Variants in MGAT4C observed in about 807,000 individuals in gnomAD.
MGAT4C encodes the protein alpha-1,3-mannosyl-glycoprotein 4-beta-N-acetylglucosaminyltransferase C.
In MGAT4C, 19 loss-of-function variants were observed where a neutral mutation model predicts 40.1. The observed-to-expected ratio is 0.47, with a 90% CI of 0.33 to 0.70. The LOEUF (loss-of-function observed/expected upper bound fraction) is 0.70, where lower values mean the gene tolerates loss of function less well. Ranked by LOEUF, MGAT4C falls within the 30% of genes least tolerant of loss-of-function variation. The pLI, the probability that MGAT4C is intolerant of heterozygous loss-of-function variation, is 0.02. For synonymous variants in MGAT4C, 181 were observed against 187.1 expected (o/e 0.97, Z 0.27); for missense variants, 491 against 563.2 (o/e 0.87, Z 1.30).
At chr12:86,828,942 A>G (rs180750614) in intron 1 of MGAT4C, among the ~76,000 whole-genome samples, 1 of 151,748 alleles carries the variant, frequency 6.6e-6, no homozygotes, top group East Asian at 1.9e-4. Flanking sequence ...TGTACACAAT[A>G]TAAATTTGCC....
chr12:86,673,818 T>C (rs1385228157), intron 2 of MGAT4C, among the ~76,000 whole-genome samples: 1 of 151,820 alleles, frequency 6.6e-6, no homozygotes, highest in African/African-American at 2.4e-5. Flanking sequence ...CGTATATGGA[T>C]CTGAGAAAAA....
chr12:86,154,204 C>T (rs928545039), intron 1 of MGAT4C, among the ~76,000 whole-genome samples: 3 of 152,066 alleles, frequency 2.0e-5, no homozygotes, highest in Non-Finnish European at 2.9e-5. Flanking sequence ...CAGTTCTCCC[C>T]CCACCATTTC....
chr12:86,274,481 A>G (rs1361931112), intron 4 of MGAT4C, among the ~76,000 whole-genome samples: 1 of 152,166 alleles, frequency 6.6e-6, no homozygotes, highest in African/African-American at 2.4e-5. Flanking sequence ...ATACAAGTCA[A>G]CATAATGTAA....
At chr12:86,481,937 A>T (rs1313032322) in intron 2 of MGAT4C, among the ~76,000 whole-genome samples, 1 of 151,972 alleles carries the variant, frequency 6.6e-6, no homozygotes, top group Non-Finnish European at 1.5e-5. Flanking sequence ...TTCTAAATAC[A>T]ATAATGTATT....
intron 2 of MGAT4C, among the ~76,000 whole-genome samples, chr12:86,644,884 G>C (rs1432126333): frequency 6.6e-6 from 1 of 151,664 alleles, no homozygotes; most frequent in Non-Finnish European, 1.5e-5. Context: ...TTATTTACTA[G>C]AAGAGAACAT....
chr12:86,113,323 T>C (rs907666376), intron 1 of MGAT4C, among the ~76,000 whole-genome samples: 1 of 151,834 alleles, frequency 6.6e-6, no homozygotes, highest in African/African-American at 2.4e-5. Flanking sequence ...AGAGATAATA[T>C]TGTCACAAAA....
chr12:86,103,911 T>C (rs1209362874), intron 1 of MGAT4C, among the ~76,000 whole-genome samples: 1 of 152,156 alleles, frequency 6.6e-6, no homozygotes, highest in Admixed American at 6.6e-5. Flanking sequence ...TAATAAAAAT[T>C]TGATGAACAA....
chr12:86,156,949 C>G (rs1885017744), intron 1 of MGAT4C, among the ~76,000 whole-genome samples: 1 of 152,034 alleles, frequency 6.6e-6, no homozygotes, highest in Non-Finnish European at 1.5e-5. Flanking sequence ...TTTCCCTTCT[C>G]TTTATTCCCA....
In MGAT4C at chr12:86,389,156, G is replaced by C. The variant is rs556789281; in HGVS notation, c.-120+46001C>G. Among the ~76,000 whole-genome samples, 230 of 152,132 alleles carry C rather than the reference G, an allele frequency of 1.5e-3. 2 individuals carry two copies. The highest frequency in any genetic ancestry group is 2.3e-3 in the Non-Finnish European group (159 of 68,024). ...TTTCATCACCCAGGTATTAAGCCTA[G>C]TACCCACTAGTTATTTTTCCATATC... On this transcript the variant is annotated intron_variant, in intron 3 of 7. Transcript: ENST00000548651.
At position 86,450,025 on chromosome 12, in the gene MGAT4C, A is replaced by C. The variant is rs543741551; in HGVS notation, c.-228-14760T>G. Among the ~76,000 whole-genome samples, 10 of 152,212 alleles carry C rather than the reference A, an allele frequency of 6.6e-5. No homozygotes were observed. The East Asian group carries it at 1.7e-3, about 26-fold the overall frequency. ...AAAATAGTCAATTATATGTCATGTG[A>C]TTTTGTCCTGAAGAAAAAGTATTGT... On this transcript the variant is annotated intron_variant, in intron 2 of 7. Transcript: ENST00000548651.
intron 1 of MGAT4C, among the ~76,000 whole-genome samples, chr12:86,120,391 G>C (rs1251848520): frequency 6.6e-6 from 1 of 152,048 alleles, no homozygotes. Context: ...GAAGAGAGTA[G>C]TGGTTCTCCC....
chr12:85,983,652 T>C lies in MGAT4C; in HGVS notation c.166A>G (p.Ile56Val). 3.8e-6 allele frequency: 6 copies of C among 1,585,086 alleles called. No homozygotes were observed. The highest frequency in any genetic ancestry group is 2.3e-5 in the South Asian group (2 of 85,330). ...AGTTGATGTGTGGATGTTTCCCTTATAAGTTGTTTGTCTCCTTCCTAAATA... is the reference window on the plus strand; with the variant it reads ...AGTTGATGTGTGGATGTTTCCCTTACAAGTTGTTTGTCTCCTTCCTAAATA... The part of the protein sequence containing the change: ...SYVLEGDKQL[I>V]RETSTHQLNS... Residue 56 changes from isoleucine to valine, a missense_variant, in exon 4 of 5, where the codon ATA (isoleucine) becomes GTA (valine). Coordinates refer to ENST00000611864, the MANE Select transcript of MGAT4C (RefSeq NM_001351288.2).
rs1339959663 is a variant in MGAT4C at position 85,960,311 on chromosome 12, G to A, written c.*18978C>T. 1 of 151,956 alleles carries A rather than the reference G, an allele frequency of 6.6e-6. No homozygotes were observed. 9.4% of individuals were successfully genotyped at this position (151,956 alleles called of 1,614,324 possible). ...ATTTTCTCATTGAATAAGAGAATCC[G>A]AACTGGCATCGAGGATATCTAATTT... is the stretch of plus-strand genomic sequence containing the variant. On this transcript the variant is annotated 3_prime_UTR_variant, in exon 5 of 5. Transcript: ENST00000611864.
chr12:86,597,253 G>A (rs2136455376), intron 2 of MGAT4C, among the ~76,000 whole-genome samples: 1 of 152,202 alleles, frequency 6.6e-6, no homozygotes. Context: ...CCTAACTCTT[G>A]TCCTTGCCAG....
chr12:86,014,597 C>A (rs903103412), intron 2 of MGAT4C, among the ~76,000 whole-genome samples: 1 of 152,128 alleles, frequency 6.6e-6, no homozygotes, highest in African/African-American at 2.4e-5. Context: ...TCAGGCCAGG[C>A]TTTCCCCTGA....
At chr12:86,262,539 A>T (rs1952681181) in intron 4 of MGAT4C, among the ~76,000 whole-genome samples, 1 of 152,046 alleles carries the variant, frequency 6.6e-6, no homozygotes, top group Non-Finnish European at 1.5e-5. Flanking sequence ...TTATCATTGC[A>T]ATAGATTTAC....
intron 1 of MGAT4C, among the ~76,000 whole-genome samples, chr12:86,810,879 C>T (rs1031306163): frequency 1.3e-5 from 2 of 151,738 alleles, no homozygotes; most frequent in Non-Finnish European, 1.5e-5. Context: ...ATGAATATTC[C>T]CTCTTCTAAA....
chr12:86,688,479 G>A (rs964385070), intron 2 of MGAT4C, among the ~76,000 whole-genome samples: 3 of 152,048 alleles, frequency 2.0e-5, no homozygotes, highest in African/African-American at 7.3e-5. Context: ...TGCAGTGGCT[G>A]GTACCAGTTT....
chr12:86,043,713 T>C (rs1892100648), intron 2 of MGAT4C, among the ~76,000 whole-genome samples: 1 of 152,146 alleles, frequency 6.6e-6, no homozygotes, highest in Admixed American at 6.6e-5. Flanking sequence ...TCCAATATGG[T>C]TTTCAAGTTG....
Sources: allele counts gnomAD v4.1 joint callset (sites outside exome capture counted in the v4.1 genomes callset), GRCh38; gene constraint gnomAD v4.1.1; transcripts MANE v1.5; gene names NCBI Gene and HGNC (gene_info 2026-07-23, HGNC 2026-07-21).